Variants in FRAS1 observed in about 807,000 individuals in gnomAD.
FRAS1 encodes the protein Fraser extracellular matrix complex subunit 1, also known as extracellular matrix organizing protein FRAS1.
In FRAS1, 290 loss-of-function variants were observed where a neutral mutation model predicts 435.2. That is an observed-to-expected ratio of 0.67 (90% CI 0.61 to 0.73). FRAS1 has a LOEUF of 0.73. Ranked by LOEUF, FRAS1 falls within the 30% of genes least tolerant of loss-of-function variation. FRAS1 has a pLI of 0.00. For synonymous variants in FRAS1, 1,800 were observed against 1,851.0 expected (o/e 0.97, Z 0.71); for missense variants, 4,860 against 5,001.5 (o/e 0.97, Z 0.85).
At chr4:78,369,305 G>C (rs1425185248) in intron 22 of FRAS1, among the ~76,000 whole-genome samples, 2 of 152,152 alleles carry the variant, frequency 1.3e-5, no homozygotes, top group Non-Finnish European at 2.9e-5. Context: ...CAGATTGGGG[G>C]ATCATCCCTG....
chr4:78,461,186 T>G (rs752549799), intron 47 of FRAS1, among the ~76,000 whole-genome samples: 19 of 152,208 alleles, frequency 1.2e-4, no homozygotes, highest in Non-Finnish European at 2.6e-4. Context: ...TATTGTGTTG[T>G]TTTTTCAGTG....
chr4:78,103,810 T>G (rs986258938), intron 2 of FRAS1, among the ~76,000 whole-genome samples: 1 of 152,230 alleles, frequency 6.6e-6, no homozygotes, highest in African/African-American at 2.4e-5. Context: ...TCCAGAACTA[T>G]GAGAAATAAA....
At chr4:78,117,046 C>A (rs1021771791) in intron 2 of FRAS1, among the ~76,000 whole-genome samples, 1 of 152,162 alleles carries the variant, frequency 6.6e-6, no homozygotes, top group East Asian at 1.9e-4. Flanking sequence ...AATCTCTCAG[C>A]ATTTGTTTGT....
At chr4:78,158,765 A>G (rs72860677) in intron 2 of FRAS1, among the ~76,000 whole-genome samples, 5,522 of 152,182 alleles carry the variant, frequency 0.036, 338 homozygotes, top group African/African-American at 0.13. Flanking sequence ...GTTTTCATTT[A>G]TTTTATCTCC....
intron 15 of FRAS1, among the ~76,000 whole-genome samples, chr4:78,314,896 AT>A (rs1231250950): frequency 7.9e-5 from 12 of 152,004 alleles, no homozygotes. Context: ...CATTGTGCCT[AT>A]ATAGATTGAT....
intron 2 of FRAS1, among the ~76,000 whole-genome samples, chr4:78,096,838 G>A (rs1453463816): frequency 6.6e-6 from 1 of 152,210 alleles, no homozygotes; most frequent in Non-Finnish European, 1.5e-5. Flanking sequence ...GATACGCCCT[G>A]GAGACATCTT....
At chr4:78,274,150 A>C (rs1187650014) in intron 9 of FRAS1, among the ~76,000 whole-genome samples, 2 of 152,066 alleles carry the variant, frequency 1.3e-5, no homozygotes, top group Non-Finnish European at 2.9e-5. Flanking sequence ...TCTGTGGGAT[A>C]GGTGTTGATA....
At chr4:78,173,007 G>A (rs1375347321) in intron 2 of FRAS1, among the ~76,000 whole-genome samples, 3 of 151,574 alleles carry the variant, frequency 2.0e-5, no homozygotes, top group African/African-American at 7.2e-5. Flanking sequence ...GAAACACACT[G>A]TGAAATGTTA....
At chr4:78,344,515 CAGAGT>C (rs1730526326) in intron 20 of FRAS1, among the ~76,000 whole-genome samples, 1 of 125,910 alleles carries the variant, frequency 7.9e-6, no homozygotes, top group Non-Finnish European at 1.7e-5. Context: ...AATGTGATTC[CAGAGT>C]ACTCAACCAT....
At chr4:78,071,990 A>G (rs1441832625) in intron 2 of FRAS1, 2 of 151,660 alleles carry the variant, frequency 1.3e-5, no homozygotes, top group African/African-American at 4.8e-5. Flanking sequence ...CACAGTTACA[A>G]CACTACTCTC....
chr4:78,200,766 T>C (rs1192347854), intron 2 of FRAS1, among the ~76,000 whole-genome samples: 2 of 150,988 alleles, frequency 1.3e-5, no homozygotes, highest in African/African-American at 2.5e-5. Context: ...TTTACCTGCA[T>C]AGTTATATTT....
Position 78,466,227 on chromosome 4 carries a change from C to T in FRAS1, c.7049C>T (p.Thr2350Ile), listed in dbSNP as rs559864830. 5.0e-6 allele frequency: 8 copies of T among 1,613,802 alleles called. No individual in the cohort carries two copies. Among genetic ancestry groups the T allele is most frequent in the Admixed American group, 1.7e-5 (1 of 60,010 alleles). Residue 2350 changes from threonine to isoleucine, a missense_variant, in exon 50 of 74, where the codon ACC becomes ATC. Transcript: ENST00000512123. The stretch of plus-strand genomic sequence containing the variant: ...GGACAGGCCGAGTCTGTCACATTCA[C>T]CATCGTGCAGCCTCCACGCCATGGC... Reference protein sequence around the residue: ...ADTEAESVTFTIVQPPRHGTI... With the variant: ...ADTEAESVTFIIVQPPRHGTI...
At chr4:78,337,977 T>C in intron 20 of FRAS1, 160 bp downstream of exon 20, 3 of 651,196 alleles carry the variant, frequency 4.6e-6, no homozygotes, top group Non-Finnish European at 2.7e-6. Context: ...TCCTTGGGCA[T>C]TTAGTAAATA....
intron 2 of FRAS1, among the ~76,000 whole-genome samples, chr4:78,188,300 T>A (rs1722369378): frequency 9.6e-5 from 1 of 10,368 alleles, no homozygotes; most frequent in Non-Finnish European, 0.011. Flanking sequence ...TATCTATCTA[T>A]CTATCTATCT....
At chr4:78,233,055 T>A (rs1724583721) in intron 2 of FRAS1, among the ~76,000 whole-genome samples, 1 of 152,224 alleles carries the variant, frequency 6.6e-6, no homozygotes, top group Admixed American at 6.5e-5. Context: ...CTGTTTACAG[T>A]TTAGTAAGCC....
intron 2 of FRAS1, among the ~76,000 whole-genome samples, chr4:78,121,542 G>A (rs1233849293): frequency 1.3e-5 from 2 of 152,146 alleles, no homozygotes; most frequent in East Asian, 1.9e-4. Context: ...CTCTTGGCAC[G>A]CCCTGGGAAA....
intron 2 of FRAS1, chr4:78,070,438 A>G (rs4340818): frequency 0.11 from 17,436 of 152,112 alleles, 1,092 homozygotes; most frequent in Middle Eastern, 0.18. Flanking sequence ...ATCTTCTGTA[A>G]CTTTCTCTTC....
intron 20 of FRAS1, among the ~76,000 whole-genome samples, chr4:78,345,228 G>C (rs1343176524): frequency 6.6e-6 from 1 of 152,136 alleles, no homozygotes; most frequent in Non-Finnish European, 1.5e-5. Flanking sequence ...ATTTTCTTAT[G>C]GATCTCCTTT....
At chr4:78,201,795 T>G (rs1723056889) in intron 2 of FRAS1, among the ~76,000 whole-genome samples, 1 of 152,174 alleles carries the variant, frequency 6.6e-6, no homozygotes, top group Non-Finnish European at 1.5e-5. Flanking sequence ...AAGATATTTT[T>G]GCAAACTTCC....
Sources: allele counts gnomAD v4.1 joint callset (sites outside exome capture counted in the v4.1 genomes callset), GRCh38; gene constraint gnomAD v4.1.1; transcripts MANE v1.5; gene names NCBI Gene and HGNC (gene_info 2026-07-23, HGNC 2026-07-21).